The following MBD1 variants were observed in gnomAD, a reference collection of about 807,000 sequenced individuals.
MBD1 encodes the protein methyl-CpG binding domain protein 1.
In MBD1, 25 loss-of-function variants were observed where a neutral mutation model predicts 82.6. That is an observed-to-expected ratio of 0.30 (90% CI 0.22 to 0.42). The LOEUF is 0.42. Among genes scored for constraint, MBD1 ranks in the 10% least tolerant of loss-of-function variants. The pLI is 1.00. For missense variants in MBD1, 627 were observed against 819.6 expected (o/e 0.76, Z 2.87); for synonymous variants, 301 against 303.7 (o/e 0.99, Z 0.09).
In MBD1 at chr18:50,275,736, C is replaced by CG. The variant is rs536452089; in HGVS notation, c.664-9dup. The CG allele has an allele frequency of 1.6e-4, 253 of 1,614,100 alleles. 1 individual carries two copies. In the East Asian group the frequency reaches 5.2e-3, roughly 33 times the overall value. Reference sequence around the variant, plus strand: ...TACTCCACACCCTCGGCTCTGTTGGCGGGGGGCAGGTGGGAGCAGAGGCAT... The same window carrying CG: ...TACTCCACACCCTCGGCTCTGTTGGCGGGGGGGCAGGTGGGAGCAGAGGCAT... On this transcript the variant is annotated splice_polypyrimidine_tract_variant and intron_variant, in intron 7 of 16. Transcript: ENST00000269468.
At chr18:50,274,934 T>G (rs1211604995) in intron 10 of MBD1, 43 bp downstream of exon 10, 3 of 1,601,098 alleles carry the variant, frequency 1.9e-6, no homozygotes. Flanking sequence ...TAACCAAGCG[T>G]CCTGAGATTC....
chr18:50,272,710 G>A lies in MBD1; in HGVS notation c.1745C>T (p.Thr582Ile), dbSNP rs1273262892. 6.2e-7 allele frequency: 1 copy of A among 1,614,138 alleles called. No individual in the cohort carries two copies. Among genetic ancestry groups the A allele is most frequent in the East Asian group, 2.2e-5 (1 of 44,872 alleles). ...VITEIFSLGGTRFRDTAVWLP... is the reference protein window; with the variant it reads ...VITEIFSLGGIRFRDTAVWLP... The stretch of plus-strand genomic sequence containing the variant: ...CCAGACTGCTGTATCTCGGAAGCGG[G>A]TTCCACCCAGGCTGAAAATCTCCGT... The change falls in exon 15 of 17, where the codon ACC becomes ATC. Residue 582 changes from threonine (T) to isoleucine (I), a missense_variant. Coordinates refer to ENST00000269468, the MANE Select transcript of MBD1 (RefSeq NM_015846.4).
intron 14 of MBD1, 36 bp downstream of exon 14, chr18:50,272,788 A>T (rs1568200105): frequency 6.2e-7 from 1 of 1,613,730 alleles, no homozygotes; most frequent in Admixed American, 1.7e-5. Context: ...GGGCTACAGC[A>T]GGGTCAGGGC....
intron 1 of MBD1, chr18:50,281,113 T>C: frequency 6.6e-7 from 1 of 1,513,450 alleles, no homozygotes; most frequent in Non-Finnish European, 8.9e-7. Context: ...TTTAGCGTTC[T>C]GATCTCCACC....
chr18:50,281,085 GA>G (rs2149080876), intron 1 of MBD1: 1 of 1,393,920 alleles, frequency 7.2e-7, no homozygotes, highest in African/African-American at 1.4e-5. Context: ...CTCAACTTCA[GA>G]TGCCCCGATG....
At chr18:50,267,678 AG>A, downstream of MBD1, 1 of 1,529,594 alleles carries the variant, frequency 6.5e-7, no homozygotes, top group Non-Finnish European at 8.8e-7. Flanking sequence ...AAGCCAATTA[AG>A]AATGACACTG....
At chr18:50,271,163 G>C (rs1038495845) in intron 16 of MBD1, 1 of 1,219,306 alleles carries the variant, frequency 8.2e-7, no homozygotes, top group Non-Finnish European at 1.0e-6. Context: ...AACATGGCTT[G>C]TTTAGGTTGT....
chr18:50,271,553 G>A lies in MBD1; in HGVS notation c.1779-13C>T. 6.2e-7 allele frequency: 1 copy of A among 1,614,190 alleles called. No homozygotes were observed. The highest frequency in any genetic ancestry group is 8.5e-7 in the Non-Finnish European group (1 of 1,180,032). On this transcript the variant is annotated splice_polypyrimidine_tract_variant and intron_variant, in intron 15 of 16. Coordinates refer to ENST00000269468, the MANE Select transcript of MBD1 (RefSeq NM_015846.4). ...AAGGTCTTTGGACCTAGGGAAAAGGGAGCAGGTCTGTATGTTGAATGAGGT... is the reference window on the plus strand; with the variant it reads ...AAGGTCTTTGGACCTAGGGAAAAGGAAGCAGGTCTGTATGTTGAATGAGGT...
At chr18:50,276,178 A>C in intron 6 of MBD1, 197 bp from the exon 7 acceptor site, 1 of 815,882 alleles carries the variant, frequency 1.2e-6, no homozygotes, top group Non-Finnish European at 2.0e-6. Flanking sequence ...TCACTTCATC[A>C]CTGTGTCTAC....
rs558422389 is a variant in MBD1 at position 50,270,151 on chromosome 18, T to C, written c.*33-333A>G. On this transcript the variant is annotated intron_variant, in intron 16 of 16. Coordinates refer to ENST00000269468, the MANE Select transcript of MBD1 (RefSeq NM_015846.4). ...TAGGGCTGAACTAGTTAGGATGGAA[T>C]AAAGGAAGGGGTGGGGAAGGTGGCA... is the stretch of plus-strand genomic sequence containing the variant. The C allele has an allele frequency of 3.8e-6, 6 of 1,597,982 alleles. No homozygotes were observed. The East Asian group carries it at 1.3e-4, about 36-fold the overall frequency.
chr18:50,276,763 G>C lies in MBD1; in HGVS notation c.393-19C>G. ...ACAGCACCTGGGATGGGAAAGGCAG[G>C]TGTGGGGCTCCAAGAGCACCCCCAA... is the stretch of plus-strand genomic sequence containing the variant. On this transcript the variant is annotated intron_variant, in intron 4 of 16. Coordinates refer to ENST00000269468, the MANE Select transcript of MBD1 (RefSeq NM_015846.4). The C allele has an allele frequency of 6.2e-7, 1 of 1,614,158 alleles. No homozygotes were observed. Among genetic ancestry groups the C allele is most frequent in the Non-Finnish European group, 8.5e-7 (1 of 1,179,990 alleles).
At chr18:50,267,873 G>T (rs894524321), downstream of MBD1, among the ~76,000 whole-genome samples, 1 of 152,206 alleles carries the variant, frequency 6.6e-6, no homozygotes. Context: ...GATTTTGTAT[G>T]TGGTATGTTT....
At chr18:50,281,310 C>T in intron 1 of MBD1, 53 bp downstream of exon 1, 1 of 1,282,138 alleles carries the variant, frequency 7.8e-7, no homozygotes, top group Non-Finnish European at 1.1e-6. Context: ...GCCACAATTC[C>T]TTCCCATCCT....
chr18:50,279,312 T>C (rs528189928), intron 2 of MBD1, among the ~76,000 whole-genome samples: 2 of 152,352 alleles, frequency 1.3e-5, no homozygotes, highest in South Asian at 4.1e-4. Flanking sequence ...TGAAGCAGCT[T>C]TGTGCACATA....
chr18:50,271,647 T>G (rs1402756583), intron 15 of MBD1, 107 bp from the exon 16 acceptor site: 1 of 1,159,946 alleles, frequency 8.6e-7, no homozygotes, highest in South Asian at 1.2e-5. Context: ...CCACTTCCCC[T>G]TAATTATCCT....
intron 10 of MBD1, 40 bp downstream of exon 10, chr18:50,274,937 T>TGA (rs1253306485): frequency 6.3e-7 from 1 of 1,595,212 alleles, no homozygotes; most frequent in Admixed American, 1.7e-5. Flanking sequence ...CCAAGCGTCC[T>TGA]GAGATTCTAG....
chr18:50,268,046 G>A (rs933409865), downstream of MBD1, among the ~76,000 whole-genome samples: 4 of 152,154 alleles, frequency 2.6e-5, no homozygotes, highest in South Asian at 2.1e-4. Context: ...AAGAGTTTAC[G>A]TGGCCTGAAA....
intron 1 of MBD1, among the ~76,000 whole-genome samples, chr18:50,280,999 A>G (rs2040028975): frequency 6.6e-6 from 1 of 151,616 alleles, no homozygotes; most frequent in African/African-American, 2.4e-5. Flanking sequence ...CAGCATTCCA[A>G]AGCCTCTATT....
intron 1 of MBD1, 198 bp downstream of exon 1, chr18:50,281,165 T>C: frequency 6.5e-7 from 1 of 1,533,788 alleles, no homozygotes. Flanking sequence ...CACTCCTACC[T>C]GTCAGAGTTC....
Sources: allele counts gnomAD v4.1 joint callset (sites outside exome capture counted in the v4.1 genomes callset), GRCh38; gene constraint gnomAD v4.1.1; transcripts MANE v1.5; gene names NCBI Gene and HGNC (gene_info 2026-07-23, HGNC 2026-07-21).